The following BAG5 variants were observed in gnomAD, a reference collection of about 807,000 sequenced individuals.
The protein encoded by BAG5 is BAG family molecular chaperone regulator 5.
Under a neutral mutation model 31.8 loss-of-function variants are expected in BAG5, and 25 were observed. That is an observed-to-expected ratio of 0.79 (90% CI 0.57 to 1.10). The LOEUF is 1.10. Among genes scored for constraint, BAG5 ranks in the 50% least tolerant of loss-of-function variants. BAG5 has a pLI of 0.00. For missense variants in BAG5, 491 were observed against 527.9 expected (o/e 0.93, Z 0.68); for synonymous variants, 208 against 205.0 (o/e 1.01, Z -0.13).
chr14:103,561,836 G>C, intron 1 of BAG5: 1 of 1,103,686 alleles, frequency 9.1e-7, no homozygotes, highest in African/African-American at 1.6e-5. Context: ...CACCTCCTCA[G>C]CCCCCAACAT....
At position 103,560,628 on chromosome 14, in the gene BAG5, T is replaced by C; in HGVS notation, c.537A>G (p.Ala179=). ...AGTTGATTTTGGCAACGGAAGGATG[T>C]GCATCCTCGGAAAGCGGCAGGGAAG... ...KQPSLPLSED[A]HPSVAKINFV... Residue 179 remains alanine (A), a synonymous_variant, in exon 2 of 2, where the codon GCA becomes GCG. Coordinates refer to ENST00000299204, the MANE Select transcript of BAG5 (RefSeq NM_001015048.3). 1.9e-6 allele frequency: 3 copies of C among 1,614,210 alleles called. No individual in the cohort carries two copies. The highest frequency in any genetic ancestry group is 2.5e-6 in the Non-Finnish European group (3 of 1,180,048).
At chr14:103,561,964 C>G in intron 1 of BAG5, 1 of 1,614,086 alleles carries the variant, frequency 6.2e-7, no homozygotes, top group Non-Finnish European at 8.5e-7. Context: ...CTCTTGGTTT[C>G]TATCAAACGG....
At chr14:103,562,347 G>A (rs1039728419) in intron 1 of BAG5, 3 of 302,006 alleles carry the variant, frequency 9.9e-6, no homozygotes, top group Non-Finnish European at 1.9e-5. Context: ...GGGCGCGCGA[G>A]GGGAGCTCGG....
chr14:103,559,586 ACAAAC>A lies in BAG5; in HGVS notation c.*230_*234del, dbSNP rs1320435420. 8.4e-6 allele frequency: 4 copies of A among 476,374 alleles called. No individual in the cohort carries two copies. The highest frequency in any genetic ancestry group is 1.4e-5 in the Non-Finnish European group (4 of 281,616). 29.5% of individuals were successfully genotyped at this position (476,374 alleles called of 1,614,324 possible). On this transcript the variant is annotated 3_prime_UTR_variant, in exon 2 of 2. Transcript: ENST00000299204. ...TCTGATTAAAAACGCAAAAAAAAGG[ACAAAC>A]CAAACAAACCACACCACATCATACA...
chr14:103,561,777 G>C, intron 1 of BAG5: 1 of 645,968 alleles, frequency 1.5e-6, no homozygotes, highest in Non-Finnish European at 2.7e-6. Context: ...GTAAAGAAGA[G>C]CGACCGGGAC....
In BAG5 at chr14:103,560,444, A is replaced by G; in HGVS notation, c.721T>C (p.Tyr241His). ...ATATCTTCTACTACCTCCCTCCGATAATTTCTGATTTCTGTCCGGCCGCAC... is the reference window on the plus strand; with the variant it reads ...ATATCTTCTACTACCTCCCTCCGATGATTTCTGATTTCTGTCCGGCCGCAC... The part of the protein sequence containing the change: ...DVCGRTEIRN[Y>H]RREVVEDINK... Residue 241 changes from tyrosine to histidine, a missense_variant, in exon 2 of 2, where the codon TAT becomes CAT. Coordinates refer to ENST00000299204, the MANE Select transcript of BAG5 (RefSeq NM_001015048.3). 6.2e-7 allele frequency: 1 copy of G among 1,614,012 alleles called. No individual in the cohort carries two copies. Among genetic ancestry groups the G allele is most frequent in the Non-Finnish European group, 8.5e-7 (1 of 1,180,024 alleles).
chr14:103,562,293 T>A (rs1345178702), intron 1 of BAG5: 1 of 419,604 alleles, frequency 2.4e-6, no homozygotes, highest in Non-Finnish European at 4.4e-6. Flanking sequence ...CCGGGCGTCT[T>A]GGCCCGGGTG....
rs539551587 is a variant in BAG5, at chr14:103,557,450, G to A, written c.*2371C>T. On this transcript the variant is annotated 3_prime_UTR_variant, in exon 2 of 2. Transcript: ENST00000299204. ...ATTACCCATGTGAACAATTCAAAAT[G>A]ACGGTGGAAGAGCTGAGCACCCTGT... is the stretch of plus-strand genomic sequence containing the variant. The A allele has an allele frequency of 6.6e-6, 1 of 152,180 alleles. No individual in the cohort carries two copies. Among genetic ancestry groups the A allele is most frequent in the African/African-American group, 2.4e-5 (1 of 41,428 alleles). 9.4% of individuals were successfully genotyped at this position (152,180 alleles called of 1,614,324 possible).
Position 103,562,064 on chromosome 14 carries a change from T to C in BAG5, c.-29+552A>G, listed in dbSNP as rs777206081. 4.5e-4 allele frequency: 524 copies of C among 1,156,648 alleles called. 2 individuals carry two copies. Among genetic ancestry groups the C allele is most frequent in the Non-Finnish European group, 6.3e-4 (480 of 764,150 alleles). The allele number at this position is 1,156,648 out of a possible 1,614,324, so 71.6% of individuals were successfully genotyped here. A position where few individuals can be genotyped will look rare whatever the true frequency, so the allele number is the denominator to read the frequency against. ...CGGAGGGAAGGCGGCCCGAGCTGCT[T>C]CCTCCCCGCCTCGCCCTTCCCTCTT... On this transcript the variant is annotated intron_variant, in intron 1 of 1. Transcript: ENST00000299204.
rs1462339293 is a variant in BAG5, at chr14:103,560,004, A to G, written c.1161T>C (p.Asp387=). Reference sequence around the variant, plus strand: ...TGTAGTTCTTATCGGTTCGATTTCCATCAAATGAAAGAACTTCTCCCTGGA... The same window carrying G: ...TGTAGTTCTTATCGGTTCGATTTCCGTCAAATGAAAGAACTTCTCCCTGGA... The part of the protein sequence containing the change: ...SEIQGEVLSF[D]GNRTDKNYIR... Residue 387 remains aspartate (D), a synonymous_variant, in exon 2 of 2, where the codon GAT becomes GAC. Transcript: ENST00000299204. The G allele has an allele frequency of 6.2e-7, 1 of 1,614,208 alleles. No individual in the cohort carries two copies. The highest frequency in any genetic ancestry group is 1.1e-5 in the South Asian group (1 of 91,082).
At position 103,558,408 on chromosome 14, in the gene BAG5, C is replaced by A. The variant is rs149017246; in HGVS notation, c.*1413G>T. On this transcript the variant is annotated 3_prime_UTR_variant, in exon 2 of 2. Coordinates refer to ENST00000299204, the MANE Select transcript of BAG5 (RefSeq NM_001015048.3). Reference sequence around the variant, plus strand: ...GAGCATCTCTGAAAGAGAATATTACCCTGGATTTCCAAAGATGTACTCTAA... The same window carrying A: ...GAGCATCTCTGAAAGAGAATATTACACTGGATTTCCAAAGATGTACTCTAA... 146 of 152,298 alleles carry A rather than the reference C, an allele frequency of 9.6e-4. 1 individual carries two copies. The highest frequency in any genetic ancestry group is 3.3e-3 in the African/African-American group (139 of 41,544). 9.4% of individuals were successfully genotyped at this position (152,298 alleles called of 1,614,324 possible).
Position 103,560,822 on chromosome 14 carries a change from C to T in BAG5, c.343G>A (p.Gly115Arg), listed in dbSNP as rs150155575. Residue 115 changes from glycine (G) to arginine (R), a missense_variant, in exon 2 of 2, where the codon GGA (glycine) becomes AGA (arginine). Coordinates refer to ENST00000299204, the MANE Select transcript of BAG5 (RefSeq NM_001015048.3). ...AACTCATCAGTTACGCAGTTGCCTC[C>T]ATTATAAAATGGCACAATTTTCTCT... ...VREKIVPFYN[G>R]GNCVTDEFEE... 4.5e-5 allele frequency: 72 copies of T among 1,614,064 alleles called. No individual in the cohort carries two copies. In the African/African-American group the frequency reaches 8.8e-4, roughly 20 times the overall value.
rs1227238836 is a variant in BAG5 at position 103,557,279 on chromosome 14, G to A, written c.*2542C>T. The A allele has an allele frequency of 1.3e-5, 2 of 152,218 alleles. No individual in the cohort carries two copies. The highest frequency in any genetic ancestry group is 2.9e-5 in the Non-Finnish European group (2 of 68,048). 9.4% of individuals were successfully genotyped at this position (152,218 alleles called of 1,614,324 possible). ...CATATTAACACAAACAGCTCCCCAC[G>A]AAGGCCGACAAGAGCTAAATCCGGT... On this transcript the variant is annotated 3_prime_UTR_variant, in exon 2 of 2. Coordinates refer to ENST00000299204, the MANE Select transcript of BAG5 (RefSeq NM_001015048.3).
intron 1 of BAG5, chr14:103,561,835 A>G (rs2076077991): frequency 9.2e-7 from 1 of 1,092,702 alleles, no homozygotes; most frequent in Admixed American, 1.9e-5. Context: ...ACACCTCCTC[A>G]GCCCCCAACA....
At position 103,561,818 on chromosome 14, in the gene BAG5, A is replaced by G. The variant is rs1595129126; in HGVS notation, c.-28-626T>C. On this transcript the variant is annotated intron_variant, in intron 1 of 1. Coordinates refer to ENST00000299204, the MANE Select transcript of BAG5 (RefSeq NM_001015048.3). ...TGAAGGGCACCACCTTGGGCTTTCG[A>G]GGCCCAACACCTCCTCAGCCCCCAA... 3 of 905,900 alleles carry G rather than the reference A, an allele frequency of 3.3e-6. No homozygotes were observed. The South Asian group carries it at 4.3e-5, about 13-fold the overall frequency. The allele number at this position is 905,900 out of a possible 1,614,324, so 56.1% of individuals were successfully genotyped here.
In BAG5 at chr14:103,558,922, C is replaced by T. The variant is rs921441398; in HGVS notation, c.*899G>A. 1 of 152,070 alleles carries T rather than the reference C, an allele frequency of 6.6e-6. No homozygotes were observed. The highest frequency in any genetic ancestry group is 1.5e-5 in the Non-Finnish European group (1 of 68,036). 9.4% of individuals were successfully genotyped at this position (152,070 alleles called of 1,614,324 possible). On this transcript the variant is annotated 3_prime_UTR_variant, in exon 2 of 2. Transcript: ENST00000299204. ...CCATTATGTGCTACATTCAGACTTT[C>T]TGATTTAGTTTTAGTATAACCTGAC... is the stretch of plus-strand genomic sequence containing the variant.
intron 1 of BAG5, chr14:103,561,885 G>A (rs2076078775): frequency 1.3e-6 from 2 of 1,527,248 alleles, no homozygotes; most frequent in South Asian, 1.1e-5. Flanking sequence ...GCGAAAACGT[G>A]GTAACTATGA....
At position 103,560,153 on chromosome 14, in the gene BAG5, C is replaced by T. The variant is rs745996574; in HGVS notation, c.1012G>A (p.Glu338Lys). Residue 338 changes from glutamate (E) to lysine (K), a missense_variant, in exon 2 of 2, where the codon GAG becomes AAG. Coordinates refer to ENST00000299204, the MANE Select transcript of BAG5 (RefSeq NM_001015048.3). The part of the protein sequence containing the change: ...IREARRRAVI[E>K]VQTLITYIDL... ...ATATATGTGATCAGAGTTTGCACCT[C>T]GATCACTGCTCTTCTCCTGGCTTCC... is the stretch of plus-strand genomic sequence containing the variant. The T allele has an allele frequency of 6.2e-7, 1 of 1,613,948 alleles. No homozygotes were observed. The highest frequency in any genetic ancestry group is 1.3e-5 in the African/African-American group (1 of 74,888).
At chr14:103,561,924 A>G in intron 1 of BAG5, 2 of 1,610,480 alleles carry the variant, frequency 1.2e-6, no homozygotes, top group Non-Finnish European at 1.7e-6. Flanking sequence ...TCCCACTGGG[A>G]GTCCACAATG....
Sources: gnomAD v4.1 joint callset for allele counts on GRCh38, gnomAD v4.1.1 for gene constraint, MANE v1.5 for transcripts, NCBI Gene and HGNC (gene_info 2026-07-23, HGNC 2026-07-21) for gene names.